Variants in GRIK4 observed in about 807,000 individuals in gnomAD.
GRIK4 encodes glutamate ionotropic receptor kainate type subunit 4, also known as glutamate receptor ionotropic, kainate 4.
A neutral mutation model predicts 104.9 loss-of-function variants in GRIK4; 40 were observed. The observed-to-expected ratio is 0.38, with a 90% CI of 0.30 to 0.50. GRIK4 has a LOEUF of 0.50. GRIK4 is among the 20% of genes least tolerant of loss of function. The pLI, the probability that GRIK4 is intolerant of heterozygous loss-of-function variation, is 0.93. For missense variants in GRIK4, 1,047 were observed against 1,308.1 expected, an observed-to-expected ratio of 0.80 and a Z score of 3.08; for synonymous variants, 485 against 524.9, an observed-to-expected ratio of 0.92 and a Z score of 1.04.
At chr11:120,784,958 A>C (rs570291573) in intron 3 of GRIK4, among the ~76,000 whole-genome samples, 2 of 152,248 alleles carry the variant, frequency 1.3e-5, no homozygotes, top group African/African-American at 4.8e-5. Flanking sequence ...ATTATCCCGG[A>C]CAATGAAGCT....
intron 3 of GRIK4, among the ~76,000 whole-genome samples, chr11:120,686,784 C>T (rs900653012): frequency 1.3e-5 from 2 of 152,216 alleles, no homozygotes; most frequent in Non-Finnish European, 2.9e-5. Flanking sequence ...CATGAGCATA[C>T]ACCACCTGGG....
rs369942150 is a variant in GRIK4, at chr11:120,594,645, A to G, written c.-158-59040A>G. 2.0e-4 allele frequency among the ~76,000 whole-genome samples: 31 copies of G among 152,170 alleles called. No homozygotes were observed. The East Asian group carries it at 5.4e-3, about 27-fold the overall frequency. ...TAACAGCTGTTTCCTCCCATCTTCC[A>G]TGTCAGCAGAAGCCTGATTTTGTTC... is the stretch of plus-strand genomic sequence containing the variant. On this transcript the variant is annotated intron_variant, in intron 1 of 20. Transcript: ENST00000527524.
intron 1 of GRIK4, among the ~76,000 whole-genome samples, chr11:120,588,602 C>G (rs1948697953): frequency 6.6e-6 from 1 of 152,092 alleles, no homozygotes; most frequent in Admixed American, 6.6e-5. Flanking sequence ...GGAGGCATCC[C>G]AGGAGGTCAA....
At chr11:120,605,378 T>C (rs975758203) in intron 1 of GRIK4, among the ~76,000 whole-genome samples, 1 of 152,194 alleles carries the variant, frequency 6.6e-6, no homozygotes, top group African/African-American at 2.4e-5. Flanking sequence ...CAGAATAGAA[T>C]TAGGCACAGG....
chr11:120,701,979 T>C (rs61901373), intron 3 of GRIK4, among the ~76,000 whole-genome samples: 18,078 of 133,658 alleles, frequency 0.14, 1,371 homozygotes, highest in African/African-American at 0.2. Context: ...TTTTTTGAGA[T>C]GGAGCTTCAC....
Sources: allele counts gnomAD v4.1 joint callset (sites outside exome capture counted in the v4.1 genomes callset), GRCh38; gene constraint gnomAD v4.1.1; transcripts MANE v1.5; gene names NCBI Gene and HGNC (gene_info 2026-07-23, HGNC 2026-07-21).